The following PCDHA2 variants were observed in gnomAD, a reference collection of about 807,000 sequenced individuals.
PCDHA2 encodes the protein protocadherin alpha 2.
Under a neutral mutation model 66.0 loss-of-function variants are expected in PCDHA2, and 58 were observed. That is an observed-to-expected ratio of 0.88 (90% CI 0.71 to 1.09). The LOEUF (loss-of-function observed/expected upper bound fraction) is 1.09. PCDHA2 is among the 50% of genes least tolerant of loss of function. The pLI is 0.00. For missense variants in PCDHA2, 1,267 were observed against 1,242.3 expected (o/e 1.02, Z -0.30); for synonymous variants, 634 against 554.0 (o/e 1.14, Z -2.03).
intron 1 of PCDHA2, among the ~76,000 whole-genome samples, chr5:140,971,561 A>G (rs367567903): frequency 1.3e-3 from 195 of 152,186 alleles, no homozygotes; most frequent in African/African-American, 4.3e-3. Context: ...TTAAATTCCC[A>G]TGTTGGGCTT....
chr5:140,928,690 A>AT lies in PCDHA2; in HGVS notation c.2389-50258dup, dbSNP rs2085447249. On this transcript the variant is annotated intron_variant, in intron 1 of 3. Transcript: ENST00000526136. ...TTCTAATGCCTGGCTTTCCTACCAC[A>AT]TCTCCCGGGCGTCTGACTCTAGTCT... 6 of 1,614,180 alleles carry AT rather than the reference A, an allele frequency of 3.7e-6. No homozygotes were observed. The African/African-American group carries it at 4.0e-5, about 11-fold the overall frequency.
chr5:140,835,837 A>C, intron 1 of PCDHA2: 1 of 1,612,374 alleles, frequency 6.2e-7, no homozygotes, highest in Non-Finnish European at 8.5e-7. Context: ...GCGGACGCGC[A>C]GAAGAACGCG....
chr5:140,950,278 G>A (rs2094467824), intron 1 of PCDHA2, among the ~76,000 whole-genome samples: 1 of 151,868 alleles, frequency 6.6e-6, no homozygotes, highest in African/African-American at 2.4e-5. Context: ...ATGTCTTTTT[G>A]CTTCAACCTG....
In PCDHA2 at chr5:140,936,286, A is replaced by G. The variant is rs73266055; in HGVS notation, c.2389-42663A>G. Among the ~76,000 whole-genome samples the G allele has an allele frequency of 3.3e-3, 501 of 152,358 alleles. 2 individuals are homozygous for G. The highest frequency in any genetic ancestry group is 0.012 in the African/African-American group (482 of 41,580). On this transcript the variant is annotated intron_variant, in intron 1 of 3. Transcript: ENST00000526136. ...AAGATATATTCCTGTGTTTTCTTCT[A>G]TAACATTGCTATCCAATAGAACTTT...
At chr5:140,812,314 C>T (rs2126637333) in intron 1 of PCDHA2, 11 of 152,086 alleles carry the variant, frequency 7.2e-5, no homozygotes, top group Non-Finnish European at 1.0e-4. Context: ...TTAAAAGCCT[C>T]TTATAATTGT....
At position 140,876,284 on chromosome 5, in the gene PCDHA2, A is replaced by C. The variant is rs781831935; in HGVS notation, c.2388+78932A>C. 1.7e-5 allele frequency: 27 copies of C among 1,613,954 alleles called. No homozygotes were observed. The highest frequency in any genetic ancestry group is 2.3e-5 in the Non-Finnish European group (27 of 1,179,908). ...CAACTAAATGCTTCCGATCCAGACG[A>C]AGGACTTAATGGAGAAATTTCCTAT... On this transcript the variant is annotated intron_variant, in intron 1 of 3. Transcript: ENST00000526136.
chr5:140,898,349 C>A (rs1310511547), intron 1 of PCDHA2, among the ~76,000 whole-genome samples: 1 of 152,168 alleles, frequency 6.6e-6, no homozygotes, highest in African/African-American at 2.4e-5. Flanking sequence ...TTTAATCCAT[C>A]TTGAATTAAT....
chr5:140,862,622 G>T (rs2047457580), intron 1 of PCDHA2: 8 of 530,260 alleles, frequency 1.5e-5, no homozygotes, highest in South Asian at 1.1e-4. Context: ...AACAACCCGC[G>T]GGGCTGCCAC....
chr5:140,949,992 G>A (rs2094439293), intron 1 of PCDHA2, among the ~76,000 whole-genome samples: 1 of 151,522 alleles, frequency 6.6e-6, no homozygotes, highest in African/African-American at 2.4e-5. Flanking sequence ...ACTTTTCTCA[G>A]TCCACTTAAT....
At chr5:140,950,555 C>T (rs1421946616) in intron 1 of PCDHA2, among the ~76,000 whole-genome samples, 1 of 151,964 alleles carries the variant, frequency 6.6e-6, no homozygotes, top group Non-Finnish European at 1.5e-5. Flanking sequence ...GCTGGGGGGA[C>T]ACTTATTTTA....
At chr5:140,882,909 C>A in intron 1 of PCDHA2, 2 of 1,614,172 alleles carry the variant, frequency 1.2e-6, no homozygotes, top group Non-Finnish European at 1.7e-6. Context: ...TTACTGACAG[C>A]CAGTGATGGA....
chr5:140,802,503 T>G (rs782816418), intron 1 of PCDHA2: 2 of 1,614,132 alleles, frequency 1.2e-6, no homozygotes. Context: ...GCCTTCACTG[T>G]GGGCCACGGC....
intron 1 of PCDHA2, among the ~76,000 whole-genome samples, chr5:140,915,981 C>T (rs11167655): frequency 0.33 from 49,706 of 151,966 alleles, 8,424 homozygotes; most frequent in East Asian, 0.53. Flanking sequence ...TATTTGACTA[C>T]GGCTAAGCTG....
intron 1 of PCDHA2, among the ~76,000 whole-genome samples, chr5:140,925,170 A>G (rs2153576816): frequency 6.6e-6 from 1 of 152,194 alleles, no homozygotes; most frequent in East Asian, 1.9e-4. Flanking sequence ...TGTGTAATTG[A>G]CCCCAATGTA....
At chr5:140,969,593 T>C (rs2153780223) in intron 1 of PCDHA2, 1 of 829,524 alleles carries the variant, frequency 1.2e-6, no homozygotes, top group Non-Finnish European at 1.8e-6. Context: ...AGTCTTAATA[T>C]TTAATGCTAA....
intron 1 of PCDHA2, among the ~76,000 whole-genome samples, chr5:140,975,536 A>G (rs957684886): frequency 2.0e-5 from 3 of 152,226 alleles, no homozygotes; most frequent in Admixed American, 1.3e-4. Flanking sequence ...TATTCTTAAT[A>G]CAGTCCTATT....
intron 1 of PCDHA2, chr5:140,860,410 A>T (rs2046380485): frequency 6.6e-6 from 1 of 152,082 alleles, no homozygotes; most frequent in Non-Finnish European, 1.5e-5. Context: ...AGCAATAGTA[A>T]CACCATTATC....
At chr5:140,897,167 C>A (rs1271791310) in intron 1 of PCDHA2, among the ~76,000 whole-genome samples, 1 of 152,140 alleles carries the variant, frequency 6.6e-6, no homozygotes, top group Non-Finnish European at 1.5e-5. Flanking sequence ...TACTGTCTAT[C>A]TCCATGGGTT....
At chr5:140,903,675 A>G (rs1554191078) in intron 1 of PCDHA2, among the ~76,000 whole-genome samples, 2 of 152,244 alleles carry the variant, frequency 1.3e-5, no homozygotes, top group Non-Finnish European at 2.9e-5. Flanking sequence ...GATATAAAAG[A>G]TGTTTGGTAA....
Sources: gnomAD v4.1 joint callset for allele counts (sites outside exome capture counted in the v4.1 genomes callset) on GRCh38, gnomAD v4.1.1 for gene constraint, MANE v1.5 for transcripts, NCBI Gene and HGNC (gene_info 2026-07-23, HGNC 2026-07-21) for gene names.